The following CPNE4 variants were observed in gnomAD, a reference collection of about 807,000 sequenced individuals.
The protein encoded by CPNE4 is copine-4.
CPNE4 carries 25 observed loss-of-function variants against 67.9 expected under a neutral mutation model. That is an observed-to-expected ratio of 0.37 (90% CI 0.27 to 0.51). The LOEUF (loss-of-function observed/expected upper bound fraction) is 0.51, where lower values mean the gene tolerates loss of function less well. Ranked by LOEUF, CPNE4 falls within the 20% of genes least tolerant of loss-of-function variation. The pLI is 0.93. For synonymous variants in CPNE4, 242 were observed against 244.9 expected (o/e 0.99, Z 0.11); for missense variants, 464 against 690.8 (o/e 0.67, Z 3.68).
chr3:131,695,994 C>T (rs1179745548), intron 5 of CPNE4, among the ~76,000 whole-genome samples: 1 of 151,968 alleles, frequency 6.6e-6, no homozygotes, highest in African/African-American at 2.4e-5. Context: ...TTTGATATGC[C>T]TTTTTTCCAG....
At chr3:131,928,577 C>T (rs766277024) in intron 1 of CPNE4, among the ~76,000 whole-genome samples, 1 of 152,122 alleles carries the variant, frequency 6.6e-6, no homozygotes, top group African/African-American at 2.4e-5. Flanking sequence ...CCTTAAAAAC[C>T]ATTCCCAACT....
intron 2 of CPNE4, among the ~76,000 whole-genome samples, chr3:131,883,113 T>C (rs1234568468): frequency 2.6e-5 from 4 of 152,198 alleles, no homozygotes; most frequent in Non-Finnish European, 4.4e-5. Flanking sequence ...CAAGAACTTA[T>C]AGCCTATAAA....
intron 2 of CPNE4, among the ~76,000 whole-genome samples, chr3:131,854,790 T>C (rs73203856): frequency 0.076 from 11,491 of 151,420 alleles, 564 homozygotes; most frequent in East Asian, 0.16. Context: ...CTTTCATTAC[T>C]CCCCACCCTC....
At chr3:131,999,433 G>T (rs2073373554) in intron 1 of CPNE4, among the ~76,000 whole-genome samples, 3 of 151,894 alleles carry the variant, frequency 2.0e-5, no homozygotes, top group Admixed American at 6.6e-5. Flanking sequence ...ACTATTTAGT[G>T]AATGAGCCTT....
intron 7 of CPNE4, among the ~76,000 whole-genome samples, chr3:131,656,237 G>A (rs1248549385): frequency 3.3e-5 from 5 of 151,958 alleles, no homozygotes; most frequent in African/African-American, 1.2e-4. Context: ...GAGAAAATAT[G>A]GTGACAAATG....
At chr3:131,960,262 G>C (rs1465373163) in intron 1 of CPNE4, among the ~76,000 whole-genome samples, 1 of 152,144 alleles carries the variant, frequency 6.6e-6, no homozygotes, top group African/African-American at 2.4e-5. Flanking sequence ...TGATATGTTT[G>C]ATTTACTTTT....
intron 14 of CPNE4, 93 bp downstream of exon 14, chr3:131,549,854 G>GGAATTTAGA (rs1165561800): frequency 1.8e-5 from 25 of 1,414,182 alleles, no homozygotes; most frequent in Non-Finnish European, 2.2e-5. Context: ...GAGAAGTGTT[G>GGAATTTAGA]GAATTTATTG....
rs181532071 is a variant in CPNE4, at chr3:131,923,561, T to C, written c.-1-18117A>G. On this transcript the variant is annotated intron_variant, in intron 1 of 15. Transcript: ENST00000429747. ...CTCTACTAAAAATACAAAAATTAGC[T>C]GGGCATGGTGATGCATGCCTATAGT... Among the ~76,000 whole-genome samples the C allele has an allele frequency of 7.3e-3, 1,113 of 151,756 alleles. 12 individuals carry two copies. The highest frequency in any genetic ancestry group is 0.025 in the African/African-American group (1,042 of 41,378).
At chr3:131,938,110 C>A (rs907318589) in intron 1 of CPNE4, among the ~76,000 whole-genome samples, 5 of 152,004 alleles carry the variant, frequency 3.3e-5, no homozygotes, top group African/African-American at 9.7e-5. Flanking sequence ...ATAATCCCAG[C>A]ACTTTGTGAG....
intron 7 of CPNE4, among the ~76,000 whole-genome samples, chr3:131,658,286 G>T (rs774984646): frequency 6.6e-6 from 1 of 152,128 alleles, no homozygotes; most frequent in African/African-American, 2.4e-5. Flanking sequence ...AGTGAGACGG[G>T]GGACCCTGAC....
At chr3:131,998,116 C>A (rs2073342114) in intron 1 of CPNE4, among the ~76,000 whole-genome samples, 1 of 152,124 alleles carries the variant, frequency 6.6e-6, no homozygotes. Context: ...ATGTAGATAT[C>A]ATGAGGCATT....
intron 2 of CPNE4, among the ~76,000 whole-genome samples, chr3:131,726,597 G>T (rs998678626): frequency 1.3e-5 from 2 of 151,880 alleles, no homozygotes; most frequent in Admixed American, 1.3e-4. Context: ...CCTAATCCAG[G>T]TTTCACATGA....
intron 1 of CPNE4, among the ~76,000 whole-genome samples, chr3:131,937,927 TGAC>T (rs2071272447): frequency 6.6e-6 from 1 of 152,166 alleles, no homozygotes; most frequent in South Asian, 2.1e-4. Context: ...TGCTTCCTTG[TGAC>T]TACTAATTGA....
At chr3:132,030,871 T>C (rs2074221708) in intron 1 of CPNE4, among the ~76,000 whole-genome samples, 1 of 152,208 alleles carries the variant, frequency 6.6e-6, no homozygotes, top group Admixed American at 6.5e-5. Flanking sequence ...TCACTGAGTT[T>C]AACACTAATT....
chr3:131,875,211 C>T (rs950707745), intron 2 of CPNE4, among the ~76,000 whole-genome samples: 20 of 151,902 alleles, frequency 1.3e-4, no homozygotes, highest in Non-Finnish European at 2.2e-4. Flanking sequence ...TAAATAGATA[C>T]ATTATCACTT....
intron 2 of CPNE4, among the ~76,000 whole-genome samples, chr3:131,740,763 C>T (rs780226597): frequency 4.6e-5 from 7 of 152,284 alleles, no homozygotes; most frequent in Non-Finnish European, 7.4e-5. Flanking sequence ...TAAAACCTTC[C>T]GACAACTCCC....
rs147350582 is a variant in CPNE4, at chr3:131,699,146, C to T, written c.432+763G>A. Among the ~76,000 whole-genome samples, 16 of 152,218 alleles carry T rather than the reference C, an allele frequency of 1.1e-4. No homozygotes were observed. In the East Asian group the frequency reaches 2.9e-3, roughly 28 times the overall value. The stretch of plus-strand genomic sequence containing the variant: ...TTCAAGGTCTCTTAATAGAAGATGT[C>T]GAACTTTCAAATACCAGGCATTCCA... On this transcript the variant is annotated intron_variant, in intron 4 of 15. Coordinates refer to ENST00000429747, the MANE Select transcript of CPNE4 (RefSeq NM_130808.3).
intron 7 of CPNE4, among the ~76,000 whole-genome samples, chr3:131,630,267 T>C (rs1236242385): frequency 6.6e-6 from 1 of 152,198 alleles, no homozygotes; most frequent in Non-Finnish European, 1.5e-5. Flanking sequence ...TTTGTACAAG[T>C]AACTTATTTT....
intron 10 of CPNE4, 88 bp downstream of exon 10, chr3:131,574,983 T>C (rs1257398511): frequency 1.8e-6 from 2 of 1,108,548 alleles, no homozygotes; most frequent in Non-Finnish European, 2.8e-6. Flanking sequence ...TTAATAAGCT[T>C]TTGTCTCTTT....
Sources: gnomAD v4.1 joint callset for allele counts (sites outside exome capture counted in the v4.1 genomes callset) on GRCh38, gnomAD v4.1.1 for gene constraint, MANE v1.5 for transcripts, NCBI Gene and HGNC (gene_info 2026-07-23, HGNC 2026-07-21) for gene names.